Variants in SLC8A1 observed in about 807,000 individuals in gnomAD.
SLC8A1 encodes solute carrier family 8 member A1.
SLC8A1 carries 18 observed loss-of-function variants against 68.3 expected under a neutral mutation model. The ratio of observed to expected loss-of-function variants is 0.26; its 90% confidence interval spans 0.18 to 0.39. The LOEUF is 0.39. Among genes scored for constraint, SLC8A1 ranks in the 10% least tolerant of loss-of-function variants. The pLI is 1.00. For synonymous variants in SLC8A1, 475 were observed against 415.5 expected (o/e 1.14, Z -1.74); for missense variants, 985 against 1,156.7 (o/e 0.85, Z 2.15).
At chr2:40,383,592 T>G (rs1682623528) in intron 2 of SLC8A1, among the ~76,000 whole-genome samples, 1 of 152,078 alleles carries the variant, frequency 6.6e-6, no homozygotes, top group Admixed American at 6.6e-5. Flanking sequence ...AAGTAGGTAC[T>G]AACAGAGAAA....
intron 1 of SLC8A1, among the ~76,000 whole-genome samples, chr2:40,501,249 A>G (rs1559775517): frequency 6.6e-6 from 1 of 151,550 alleles, no homozygotes; most frequent in Non-Finnish European, 1.5e-5. Context: ...TTTACTTTGT[A>G]TTTGTTTTCT....
chr2:40,278,468 A>T (rs1297534230), intron 2 of SLC8A1, among the ~76,000 whole-genome samples: 1 of 75,342 alleles, frequency 1.3e-5, no homozygotes, highest in South Asian at 3.2e-4. Context: ...ACTCTGTCTC[A>T]AACAAAACAA....
chr2:40,268,008 T>G (rs2065573369), intron 2 of SLC8A1, among the ~76,000 whole-genome samples: 1 of 152,296 alleles, frequency 6.6e-6, no homozygotes, highest in African/African-American at 2.4e-5. Context: ...GAAAACACAA[T>G]TGTTGAATTA....
At chr2:40,360,511 A>G (rs1674285174) in intron 2 of SLC8A1, among the ~76,000 whole-genome samples, 1 of 152,128 alleles carries the variant, frequency 6.6e-6, no homozygotes, top group African/African-American at 2.4e-5. Flanking sequence ...ACTTCCTGAG[A>G]ATGTACTGTG....
At chr2:40,213,856 G>C (rs556397621) in intron 2 of SLC8A1, among the ~76,000 whole-genome samples, 1 of 152,186 alleles carries the variant, frequency 6.6e-6, no homozygotes, top group Non-Finnish European at 1.5e-5. Context: ...TGCTTTGGGT[G>C]TTCCAAATTT....
At chr2:40,494,159 C>T (rs1401185413) in intron 1 of SLC8A1, among the ~76,000 whole-genome samples, 1 of 152,064 alleles carries the variant, frequency 6.6e-6, no homozygotes, top group East Asian at 1.9e-4. Context: ...ACAGGTCTGG[C>T]TGTCCCACTT....
intron 1 of SLC8A1, among the ~76,000 whole-genome samples, chr2:40,482,789 C>CTT (rs34808025): frequency 1.1e-3 from 141 of 131,824 alleles, no homozygotes; most frequent in Middle Eastern, 3.8e-3. Context: ...ACAGTTAGCA[C>CTT]TTTTTTTTTT....
chr2:40,279,574 C>G (rs1297323139), intron 2 of SLC8A1, among the ~76,000 whole-genome samples: 1 of 152,188 alleles, frequency 6.6e-6, no homozygotes, highest in African/African-American at 2.4e-5. Context: ...AACCAACCAA[C>G]TTTCATTGCA....
At chr2:40,180,768 G>T (rs544834365) in intron 2 of SLC8A1, among the ~76,000 whole-genome samples, 1 of 152,236 alleles carries the variant, frequency 6.6e-6, no homozygotes, top group Admixed American at 6.5e-5. Context: ...TATTTTATTG[G>T]ATTATAGAAG....
At chr2:40,260,742 T>G (rs1289724995) in intron 2 of SLC8A1, among the ~76,000 whole-genome samples, 14 of 137,336 alleles carry the variant, frequency 1.0e-4, no homozygotes, top group Admixed American at 1.0e-3. Flanking sequence ...GTGTATGTGG[T>G]TTTTTTTTTT....
chr2:40,194,771 C>T (rs952766931), intron 2 of SLC8A1, among the ~76,000 whole-genome samples: 1 of 151,758 alleles, frequency 6.6e-6, no homozygotes, highest in Non-Finnish European at 1.5e-5. Flanking sequence ...AGGGCCAGGG[C>T]CTAGGACCAC....
exon 8 of SLC8A1, chr2:40,106,854 T>C (rs2125041599): frequency 6.6e-6 from 1 of 152,300 alleles, no homozygotes; most frequent in South Asian, 2.1e-4. Flanking sequence ...TGTAATGCAG[T>C]GGCTGGTTAA....
At chr2:40,195,617 A>C (rs1466081047) in intron 2 of SLC8A1, 1 of 152,102 alleles carries the variant, frequency 6.6e-6, no homozygotes, top group East Asian at 1.9e-4. Flanking sequence ...AAGGGTCCGA[A>C]CATGGGAGAA....
chr2:40,284,078 A>G (rs945535067), intron 2 of SLC8A1, among the ~76,000 whole-genome samples: 2 of 152,084 alleles, frequency 1.3e-5, no homozygotes, highest in Non-Finnish European at 2.9e-5. Flanking sequence ...GGTTAATTTA[A>G]AAAACCTATT....
chr2:40,245,288 G>C (rs202025695), intron 2 of SLC8A1, among the ~76,000 whole-genome samples: 1 of 114,964 alleles, frequency 8.7e-6, no homozygotes, highest in Non-Finnish European at 1.8e-5. Context: ...AGCCTATACC[G>C]GATCTCTCTG....
intron 2 of SLC8A1, among the ~76,000 whole-genome samples, chr2:40,197,560 G>A (rs2053287464): frequency 6.6e-6 from 1 of 151,888 alleles, no homozygotes; most frequent in African/African-American, 2.4e-5. Context: ...TCCCCCTTTA[G>A]CAAAAGATCT....
At chr2:40,465,219 G>T (rs1357367158) in intron 1 of SLC8A1, among the ~76,000 whole-genome samples, 1 of 152,156 alleles carries the variant, frequency 6.6e-6, no homozygotes, top group Non-Finnish European at 1.5e-5. Context: ...ATCTTGCAAT[G>T]TATGGGACAG....
chr2:40,381,016 A>G (rs1449234535), intron 2 of SLC8A1, among the ~76,000 whole-genome samples: 10 of 152,074 alleles, frequency 6.6e-5, no homozygotes, highest in Non-Finnish European at 2.9e-5. Context: ...CTTAGACTGA[A>G]GAAACTTAGG....
At chr2:40,369,676 A>G (rs1435089529) in intron 2 of SLC8A1, among the ~76,000 whole-genome samples, 1 of 152,092 alleles carries the variant, frequency 6.6e-6, no homozygotes, top group Non-Finnish European at 1.5e-5. Context: ...ACCATGGAGT[A>G]CGCAGGGAGC....
Sources: gnomAD v4.1 joint callset for allele counts (sites outside exome capture counted in the v4.1 genomes callset) on GRCh38, gnomAD v4.1.1 for gene constraint, MANE v1.5 for transcripts, NCBI Gene and HGNC (gene_info 2026-07-23, HGNC 2026-07-21) for gene names.